EDIL3: variants seen among roughly 807,000 people sequenced by gnomAD.
EDIL3 encodes the protein EGF like and discoidin domains 3, also known as EGF-like repeat and discoidin I-like domain-containing protein 3.
EDIL3 carries 37 observed loss-of-function variants against 67.4 expected under a neutral mutation model. The ratio of observed to expected loss-of-function variants is 0.55; its 90% CI spans 0.42 to 0.72. The LOEUF (loss-of-function observed/expected upper bound fraction) is 0.72. EDIL3 is among the 30% of genes least tolerant of loss of function. The probability of loss-of-function intolerance (pLI) is 0.00; values close to 1 mark genes in which losing one functional copy is unlikely to be tolerated. For missense variants in EDIL3, 527 were observed against 586.3 expected, an observed-to-expected ratio of 0.90 and a Z score of 1.04; for synonymous variants, 195 against 196.3, an observed-to-expected ratio of 0.99 and a Z score of 0.05.
chr5:84,231,580 G>A (rs975264754), intron 2 of EDIL3, among the ~76,000 whole-genome samples: 5 of 147,066 alleles, frequency 3.4e-5, no homozygotes, highest in African/African-American at 9.8e-5. Flanking sequence ...TTACATCTGC[G>A]CAGAGTACAC....
At chr5:83,995,504 C>A (rs1489319693) in intron 9 of EDIL3, among the ~76,000 whole-genome samples, 1 of 152,068 alleles carries the variant, frequency 6.6e-6, no homozygotes, top group Admixed American at 6.6e-5. Context: ...TCGTTGCATA[C>A]TAAAAATGAA....
At chr5:84,356,885 C>CTTTTTTTTTTTT (rs1229298711) in intron 1 of EDIL3, among the ~76,000 whole-genome samples, 3 of 39,356 alleles carry the variant, frequency 7.6e-5, no homozygotes, top group African/African-American at 2.6e-4. Context: ...AACAATCTTT[C>CTTTTTTTTTTTT]TTTCTTTTTT....
chr5:84,003,690 C>A (rs566784858), intron 9 of EDIL3, among the ~76,000 whole-genome samples: 1 of 152,108 alleles, frequency 6.6e-6, no homozygotes, highest in South Asian at 2.1e-4. Flanking sequence ...AATATGATAA[C>A]AAAAAACTGC....
At chr5:84,005,924 C>T (rs1036149420) in intron 9 of EDIL3, among the ~76,000 whole-genome samples, 1 of 151,910 alleles carries the variant, frequency 6.6e-6, no homozygotes, top group African/African-American at 2.4e-5. Flanking sequence ...AGAATACTCC[C>T]AGAGTCTCTG....
At chr5:84,117,475 T>C (rs1747691523) in intron 5 of EDIL3, among the ~76,000 whole-genome samples, 1 of 152,182 alleles carries the variant, frequency 6.6e-6, no homozygotes. Context: ...AAAATATCCA[T>C]AATGGGATAA....
At chr5:84,014,083 G>T (rs1745559693) in intron 9 of EDIL3, among the ~76,000 whole-genome samples, 3 of 152,126 alleles carry the variant, frequency 2.0e-5, no homozygotes, top group Admixed American at 2.0e-4. Context: ...TATGTAGGAT[G>T]ATATTAATGT....
chr5:84,168,707 C>G (rs1010381492), intron 4 of EDIL3, among the ~76,000 whole-genome samples: 2 of 152,144 alleles, frequency 1.3e-5, no homozygotes, highest in African/African-American at 4.8e-5. Context: ...GAACATTGTT[C>G]AACTCCTCCC....
chr5:84,363,697 T>C (rs990975178), intron 1 of EDIL3, among the ~76,000 whole-genome samples: 1 of 152,122 alleles, frequency 6.6e-6, no homozygotes, highest in Non-Finnish European at 1.5e-5. Context: ...AGAGGTAAGA[T>C]GCCTTATTCT....
At chr5:84,208,180 T>C (rs1464783813) in intron 3 of EDIL3, among the ~76,000 whole-genome samples, 1 of 151,998 alleles carries the variant, frequency 6.6e-6, no homozygotes, top group African/African-American at 2.4e-5. Context: ...GAATCTACAA[T>C]GAACTCAAAC....
chr5:84,085,158 C>T (rs1482511049), intron 6 of EDIL3, among the ~76,000 whole-genome samples: 2 of 152,254 alleles, frequency 1.3e-5, no homozygotes, highest in South Asian at 2.1e-4. Flanking sequence ...TTATTACCTA[C>T]CTTCTGAAGC....
chr5:84,267,832 A>G (rs985818028), intron 1 of EDIL3, among the ~76,000 whole-genome samples: 6 of 152,354 alleles, frequency 3.9e-5, no homozygotes, highest in South Asian at 2.1e-4. Context: ...GAGGTTGCAC[A>G]TCTCAGTAAT....
intron 9 of EDIL3, among the ~76,000 whole-genome samples, chr5:84,035,106 T>C (rs1191359179): frequency 1.3e-5 from 2 of 152,130 alleles, no homozygotes; most frequent in Non-Finnish European, 2.9e-5. Flanking sequence ...ATGATTAAAC[T>C]GAATTCCACA....
chr5:84,305,031 C>G (rs547458763), intron 1 of EDIL3, among the ~76,000 whole-genome samples: 81 of 152,202 alleles, frequency 5.3e-4, no homozygotes, highest in African/African-American at 1.8e-3. Flanking sequence ...GAGGGCAAAC[C>G]ACTGCATTAG....
intron 9 of EDIL3, among the ~76,000 whole-genome samples, chr5:84,022,793 A>G (rs1745743310): frequency 1.3e-5 from 2 of 151,996 alleles, no homozygotes; most frequent in South Asian, 4.1e-4. Flanking sequence ...AGAGGTTGGG[A>G]AATGAGTACA....
At chr5:84,016,341 C>T (rs1202767153) in intron 9 of EDIL3, among the ~76,000 whole-genome samples, 1 of 152,138 alleles carries the variant, frequency 6.6e-6, no homozygotes, top group African/African-American at 2.4e-5. Context: ...CTGCCTAGCT[C>T]TGATAACACT....
chr5:84,210,025 G>A (rs1428095772), intron 3 of EDIL3, among the ~76,000 whole-genome samples: 1 of 152,058 alleles, frequency 6.6e-6, no homozygotes, highest in Non-Finnish European at 1.5e-5. Context: ...AGTTTTCAAA[G>A]TATAAAAAGT....
At chr5:84,065,641 TAAGAA>T (rs1017361499) in intron 7 of EDIL3, among the ~76,000 whole-genome samples, 14 of 151,224 alleles carry the variant, frequency 9.3e-5, no homozygotes, top group South Asian at 8.4e-4. Context: ...GAGAATATCA[TAAGAA>T]AAGAAAAGGA....
chr5:84,156,408 G>A (rs191977400), intron 4 of EDIL3, among the ~76,000 whole-genome samples: 218 of 152,234 alleles, frequency 1.4e-3, no homozygotes, highest in Middle Eastern at 3.4e-3. Context: ...GTAGGCTCAA[G>A]GACTCCTTCT....
chr5:84,215,133 C>T (rs1176680915), intron 3 of EDIL3, among the ~76,000 whole-genome samples: 2 of 152,134 alleles, frequency 1.3e-5, no homozygotes, highest in African/African-American at 2.4e-5. Context: ...TACTATGTAT[C>T]AAACACTTGT....
Sources: allele counts gnomAD v4.1 joint callset (sites outside exome capture counted in the v4.1 genomes callset), GRCh38; gene constraint gnomAD v4.1.1; transcripts MANE v1.5; gene names NCBI Gene and HGNC (gene_info 2026-07-23, HGNC 2026-07-21).